Variants in AOAH observed in about 807,000 individuals in gnomAD.
AOAH encodes acyloxyacyl hydrolase (neutrophil).
AOAH carries 64 observed loss-of-function variants against 92.2 expected under a neutral mutation model. The observed-to-expected ratio is 0.69, with a 90% CI of 0.57 to 0.86. AOAH has a LOEUF of 0.86. Ranked by LOEUF, AOAH falls within the 40% of genes least tolerant of loss-of-function variation. The pLI, the probability that AOAH is intolerant of heterozygous loss-of-function variation, is 0.00. For synonymous variants in AOAH, 263 were observed against 254.5 expected (o/e 1.03, Z -0.32); for missense variants, 656 against 694.6 (o/e 0.94, Z 0.62).
In AOAH at chr7:36,532,814, G is replaced by A. The variant is rs539878109; in HGVS notation, c.1307-470C>T. Among the ~76,000 whole-genome samples the A allele has an allele frequency of 2.0e-4, 30 of 152,230 alleles. No individual in the cohort carries two copies. The East Asian group carries it at 3.5e-3, about 18-fold the overall frequency. On this transcript the variant is annotated intron_variant, in intron 16 of 20. Coordinates refer to ENST00000617537, the MANE Select transcript of AOAH (RefSeq NM_001637.4). ...GTTTATGAAACGCTCAGGTCTGACC[G>A]AATTATCCCACACTGAGGGCCTGGC...
intron 2 of AOAH, among the ~76,000 whole-genome samples, chr7:36,679,642 A>G (rs1349634067): frequency 1.2e-5 from 1 of 84,688 alleles, no homozygotes; most frequent in African/African-American, 5.0e-5. Context: ...CTTGAAGCAC[A>G]GTGCCACCAA....
At chr7:36,563,539 C>T (rs1787445722) in intron 13 of AOAH, among the ~76,000 whole-genome samples, 1 of 152,094 alleles carries the variant, frequency 6.6e-6, no homozygotes, top group Admixed American at 6.5e-5. Context: ...ACACTCTGTC[C>T]AGGTTTTACA....
chr7:36,715,183 AACAG>A (rs1412566921), intron 1 of AOAH, among the ~76,000 whole-genome samples: 3 of 151,982 alleles, frequency 2.0e-5, no homozygotes, highest in East Asian at 1.9e-4. Flanking sequence ...ATACACCAAT[AACAG>A]ACAGAGAGCC....
At chr7:36,676,531 C>T (rs1193780402) in intron 2 of AOAH, among the ~76,000 whole-genome samples, 1 of 152,168 alleles carries the variant, frequency 6.6e-6, no homozygotes, top group East Asian at 1.9e-4. Context: ...GGCAATTCTT[C>T]CCAAACTGAT....
chr7:36,591,718 G>A (rs952305993), intron 12 of AOAH, among the ~76,000 whole-genome samples: 1 of 152,168 alleles, frequency 6.6e-6, no homozygotes, highest in Non-Finnish European at 1.5e-5. Context: ...GATGCAGAAA[G>A]GAAAAGGGAG....
chr7:36,585,882 A>T (rs1010363464), intron 12 of AOAH, among the ~76,000 whole-genome samples: 4 of 152,206 alleles, frequency 2.6e-5, no homozygotes, highest in Admixed American at 2.6e-4. Flanking sequence ...CTTTATACAC[A>T]TTAATTTTTT....
At chr7:36,592,779 C>A (rs1348988904) in intron 12 of AOAH, among the ~76,000 whole-genome samples, 1 of 152,216 alleles carries the variant, frequency 6.6e-6, no homozygotes, top group Non-Finnish European at 1.5e-5. Flanking sequence ...AAATGCTTGG[C>A]ATATAGTTAC....
intron 4 of AOAH, among the ~76,000 whole-genome samples, chr7:36,655,988 C>T (rs543608300): frequency 2.6e-5 from 4 of 152,128 alleles, no homozygotes; most frequent in African/African-American, 4.8e-5. Flanking sequence ...GAGCCATGAA[C>T]GATGGGGAGG....
chr7:36,704,929 A>C (rs905031056), intron 1 of AOAH, among the ~76,000 whole-genome samples: 7 of 152,138 alleles, frequency 4.6e-5, no homozygotes, highest in Non-Finnish European at 1.0e-4. Flanking sequence ...AAAGGCCTTC[A>C]ATAAAATTCA....
chr7:36,712,856 G>T (rs899040943), intron 1 of AOAH, among the ~76,000 whole-genome samples: 13 of 152,104 alleles, frequency 8.5e-5, no homozygotes, highest in Non-Finnish European at 1.8e-4. Flanking sequence ...AGGAACAACC[G>T]GTACCAGCCA....
chr7:36,612,470 C>T (rs1042925910), intron 11 of AOAH, among the ~76,000 whole-genome samples: 23 of 152,242 alleles, frequency 1.5e-4, no homozygotes, highest in African/African-American at 5.5e-4. Flanking sequence ...TTTCTTTCCT[C>T]ATTTTTGCTC....
chr7:36,627,536 G>GAAAGC (rs1792758034), intron 6 of AOAH, among the ~76,000 whole-genome samples: 1 of 147,036 alleles, frequency 6.8e-6, no homozygotes, highest in South Asian at 2.3e-4. Context: ...CTTAGACATG[G>GAAAGC]AAAGCACTCA....
At chr7:36,718,135 G>A (rs1261965946) in intron 1 of AOAH, among the ~76,000 whole-genome samples, 1 of 152,052 alleles carries the variant, frequency 6.6e-6, no homozygotes, top group East Asian at 1.9e-4. Context: ...CCAATTTAAA[G>A]AGGGGCAAAA....
chr7:36,674,874 T>C (rs1194462745), intron 2 of AOAH, among the ~76,000 whole-genome samples: 1 of 152,252 alleles, frequency 6.6e-6, no homozygotes, highest in African/African-American at 2.4e-5. Flanking sequence ...TCAATTTTGC[T>C]TAATGTTAAA....
At chr7:36,616,508 A>C in intron 10 of AOAH, 34 bp from the exon 11 acceptor site, 1 of 1,583,702 alleles carries the variant, frequency 6.3e-7, no homozygotes, top group Non-Finnish European at 8.7e-7. Flanking sequence ...TTATTTATGC[A>C]CTCAAGTAGT....
Position 36,724,123 on chromosome 7 carries a change from G to C in AOAH, c.26C>G (p.Thr9Arg). 1 of 1,613,468 alleles carries C rather than the reference G, an allele frequency of 6.2e-7. No homozygotes were observed. Among genetic ancestry groups the C allele is most frequent in the Non-Finnish European group, 8.5e-7 (1 of 1,179,578 alleles). The change falls in exon 1 of 21, where the codon ACG becomes AGG. Residue 9 changes from threonine (T) to arginine (R), a missense_variant. Coordinates refer to ENST00000617537, the MANE Select transcript of AOAH (RefSeq NM_001637.4). The part of the protein sequence containing the change: MQSPWKIL[T>R]VAPLFLLLSL... ...CAGGAGCAAGAATAGAGGCGCCACCGTAAGGATTTTCCAGGGGGACTGCAT... is the reference window on the plus strand; with the variant it reads ...CAGGAGCAAGAATAGAGGCGCCACCCTAAGGATTTTCCAGGGGGACTGCAT...
chr7:36,571,862 G>A (rs1279833346), intron 13 of AOAH, among the ~76,000 whole-genome samples: 1 of 151,812 alleles, frequency 6.6e-6, no homozygotes, highest in Non-Finnish European at 1.5e-5. Context: ...TTTTCAAATC[G>A]ACTTCTTTCT....
chr7:36,676,699 T>A (rs567268242), intron 2 of AOAH, among the ~76,000 whole-genome samples: 1 of 152,290 alleles, frequency 6.6e-6, no homozygotes, highest in Admixed American at 6.5e-5. Flanking sequence ...TGGGAAACAA[T>A]TTCAAAGCTA....
chr7:36,692,480 G>A (rs971009813), intron 1 of AOAH, among the ~76,000 whole-genome samples: 2 of 151,894 alleles, frequency 1.3e-5, no homozygotes, highest in African/African-American at 4.8e-5. Flanking sequence ...AAAATGCTCA[G>A]TGGGTTCAAA....
Sources: gnomAD v4.1 joint callset for allele counts (sites outside exome capture counted in the v4.1 genomes callset) on GRCh38, gnomAD v4.1.1 for gene constraint, MANE v1.5 for transcripts, NCBI Gene and HGNC (gene_info 2026-07-23, HGNC 2026-07-21) for gene names.